Variants in SLC35D1 observed in about 807,000 individuals in gnomAD.
SLC35D1 encodes the protein solute carrier family 35 member D1.
A neutral mutation model predicts 46.7 loss-of-function variants in SLC35D1; 31 were observed. That is an observed-to-expected ratio of 0.66 (90% CI 0.50 to 0.90). The LOEUF (loss-of-function observed/expected upper bound fraction) is 0.90, where lower values mean the gene tolerates loss of function less well. Among genes scored for constraint, SLC35D1 ranks in the 40% least tolerant of loss-of-function variants. SLC35D1 has a pLI of 0.00. For missense variants in SLC35D1, 397 were observed against 426.2 expected, an observed-to-expected ratio of 0.93 and a Z score of 0.60; for synonymous variants, 195 against 164.6, an observed-to-expected ratio of 1.18 and a Z score of -1.41.
chr1:66,983,751 A>G, the SLC35D1 span, among the ~76,000 whole-genome samples: 6 of 152,164 alleles, frequency 3.9e-5, no homozygotes, highest in African/African-American at 1.4e-4. Context: ...TTTTTGAGAC[A>G]GAGTCTCGCT....
chr1:66,997,537 T>TATATATATATATAA (rs1247400741), downstream of SLC35D1, among the ~76,000 whole-genome samples: 26 of 133,296 alleles, frequency 2.0e-4, no homozygotes, highest in East Asian at 3.2e-3. Context: ...TATATATATA[T>TATATATATATATAA]AACCCCTTTA....
At chr1:67,032,123 T>C in intron 8 of SLC35D1, 1 of 981,330 alleles carries the variant, frequency 1.0e-6, no homozygotes, top group Non-Finnish European at 1.2e-6. Context: ...ACAGATTTAA[T>C]AAACAAAGAT....
the SLC35D1 span, chr1:66,985,407 C>T: frequency 1.0e-6 from 1 of 983,050 alleles, no homozygotes; most frequent in Non-Finnish European, 1.2e-6. Flanking sequence ...TAAGGAAACC[C>T]TTACGAATCC....
chr1:66,987,733 T>C, the SLC35D1 span: 1 of 148,882 alleles, frequency 6.7e-6, no homozygotes, highest in Non-Finnish European at 1.5e-5. Flanking sequence ...TTAGAGATTG[T>C]TTGAATGATG....
intron 1 of SLC35D1, 45 bp downstream of exon 1, chr1:67,053,766 C>G (rs777785484): frequency 6.9e-7 from 1 of 1,449,204 alleles, no homozygotes; most frequent in South Asian, 1.4e-5. Flanking sequence ...GCCGCCGCCG[C>G]CCGCTCCTCC....
chr1:67,003,843 A>G lies in SLC35D1; in HGVS notation c.*497T>C, dbSNP rs1234739709. ...CAAAGTTGTTTTCCTTGGCAAATGGAATGATGATATGATGAAGACAATGCA... is the reference window on the plus strand; with the variant it reads ...CAAAGTTGTTTTCCTTGGCAAATGGGATGATGATATGATGAAGACAATGCA... On this transcript the variant is annotated 3_prime_UTR_variant, in exon 12 of 12. Coordinates refer to ENST00000235345, the MANE Select transcript of SLC35D1 (RefSeq NM_015139.3). The G allele has an allele frequency of 5.7e-6, 1 of 176,062 alleles. No homozygotes were observed. The highest frequency in any genetic ancestry group is 2.4e-5 in the African/African-American group (1 of 41,688). The allele number at this position is 176,062 out of a possible 1,614,324, so 10.9% of individuals were successfully genotyped here.
At chr1:67,026,479 C>T (rs1222228048) in intron 8 of SLC35D1, among the ~76,000 whole-genome samples, 1 of 152,058 alleles carries the variant, frequency 6.6e-6, no homozygotes, top group African/African-American at 2.4e-5. Context: ...ATAAAATCAA[C>T]AAGGAAGTGT....
chr1:66,975,886 A>G, the SLC35D1 span, among the ~76,000 whole-genome samples: 2 of 152,174 alleles, frequency 1.3e-5, no homozygotes, highest in Non-Finnish European at 2.9e-5. Flanking sequence ...TCAAAAGGGA[A>G]TTTAAAGATA....
At chr1:67,051,128 C>T (rs1307472011) in intron 4 of SLC35D1, among the ~76,000 whole-genome samples, 1 of 152,178 alleles carries the variant, frequency 6.6e-6, no homozygotes, top group Middle Eastern at 3.2e-3. Flanking sequence ...GCATTTCTTT[C>T]CTGGTGGGTA....
the SLC35D1 span, among the ~76,000 whole-genome samples, chr1:66,988,879 T>TG: frequency 6.6e-6 from 1 of 152,226 alleles, no homozygotes; most frequent in Non-Finnish European, 1.5e-5. Context: ...CATGCCCTGT[T>TG]CTTCAAGAAG....
At chr1:67,047,425 A>T in intron 6 of SLC35D1, 58 bp from the exon 7 acceptor site, 2 of 1,371,690 alleles carry the variant, frequency 1.5e-6, no homozygotes, top group Middle Eastern at 4.0e-4. Flanking sequence ...TTAATTTTAA[A>T]TAGATATAAG....
At chr1:67,006,931 G>C (rs1482517401) in intron 11 of SLC35D1, among the ~76,000 whole-genome samples, 1 of 151,468 alleles carries the variant, frequency 6.6e-6, no homozygotes, top group African/African-American at 2.4e-5. Flanking sequence ...TTGGATCACA[G>C]ATGTTCAATC....
the SLC35D1 span, chr1:66,984,748 A>G: frequency 0.02 from 32,931 of 1,614,016 alleles, 398 homozygotes; most frequent in Non-Finnish European, 0.025. Context: ...TATGACTGCA[A>G]GAAATGAAAA....
At chr1:67,018,198 G>A (rs956387568) in intron 10 of SLC35D1, among the ~76,000 whole-genome samples, 1 of 152,126 alleles carries the variant, frequency 6.6e-6, no homozygotes, top group African/African-American at 2.4e-5. Context: ...GGTTGCCTTA[G>A]AAAGGATTTT....
At chr1:67,016,272 T>G (rs1170577291) in intron 10 of SLC35D1, among the ~76,000 whole-genome samples, 1 of 152,184 alleles carries the variant, frequency 6.6e-6, no homozygotes, top group Non-Finnish European at 1.5e-5. Context: ...TTAACTATTC[T>G]AAGACTTTTG....
At chr1:67,017,132 TAAG>T (rs1488849385) in intron 10 of SLC35D1, among the ~76,000 whole-genome samples, 2 of 152,152 alleles carry the variant, frequency 1.3e-5, no homozygotes, top group Non-Finnish European at 2.9e-5. Context: ...AAAACTAATC[TAAG>T]AAGAGCCTAT....
chr1:67,035,746 A>G (rs1037983193), intron 8 of SLC35D1, among the ~76,000 whole-genome samples: 1 of 150,438 alleles, frequency 6.6e-6, no homozygotes, highest in Non-Finnish European at 1.5e-5. Flanking sequence ...TGGAACCCAA[A>G]AGAACTTGCT....
chr1:66,979,641 T>G, the SLC35D1 span, among the ~76,000 whole-genome samples: 1 of 152,220 alleles, frequency 6.6e-6, no homozygotes, highest in Non-Finnish European at 1.5e-5. Context: ...TCCTGAATAT[T>G]CTGGATGCTA....
intron 7 of SLC35D1, among the ~76,000 whole-genome samples, chr1:67,043,203 A>AAG (rs980133546): frequency 2.2e-4 from 33 of 150,922 alleles, no homozygotes; most frequent in Non-Finnish European, 4.0e-4. Context: ...CTCAAAAAAA[A>AAG]AAACAAAAAA....
Sources: allele counts gnomAD v4.1 joint callset (sites outside exome capture counted in the v4.1 genomes callset), GRCh38; gene constraint gnomAD v4.1.1; transcripts MANE v1.5; gene names NCBI Gene and HGNC (gene_info 2026-07-23, HGNC 2026-07-21).